The following DPP8 variants were observed in gnomAD, a reference collection of about 807,000 sequenced individuals.
DPP8 encodes DPP VIII.
DPP8 carries 31 observed loss-of-function variants against 107.5 expected under a neutral mutation model. The observed-to-expected ratio is 0.29, with a 90% CI of 0.22 to 0.39. DPP8 has a LOEUF of 0.39. Ranked by LOEUF, DPP8 falls within the 10% of genes least tolerant of loss-of-function variation. The pLI is 1.00. For missense variants in DPP8, 842 were observed against 1,076.1 expected (o/e 0.78, Z 3.04); for synonymous variants, 381 against 356.6 (o/e 1.07, Z -0.77).
At position 65,446,811 on chromosome 15, in the gene DPP8, G is replaced by A; in HGVS notation, c.*73C>T. 7.0e-7 allele frequency: 1 copy of A among 1,434,916 alleles called. No individual in the cohort carries two copies. 88.9% of individuals were successfully genotyped at this position (1,434,916 alleles called of 1,614,324 possible). ...ATCAAAATGTGATGATCAATTCTGT[G>A]TTTTCTGTTGATTAAACCTCCTCAT... On this transcript the variant is annotated 3_prime_UTR_variant, in exon 20 of 20. Coordinates refer to ENST00000300141, the MANE Select transcript of DPP8 (RefSeq NM_130434.5).
intron 1 of DPP8, among the ~76,000 whole-genome samples, chr15:65,514,001 T>C (rs2071124945): frequency 6.6e-6 from 1 of 152,240 alleles, no homozygotes; most frequent in African/African-American, 2.4e-5. Context: ...ACTTCTATAA[T>C]AATAAATACA....
At chr15:65,475,224 A>C (rs2066274150) in intron 11 of DPP8, 41 of 499,864 alleles carry the variant, frequency 8.2e-5, no homozygotes, top group South Asian at 8.2e-4. Flanking sequence ...CCCTCCCCTA[A>C]ACTCAGTAGT....
chr15:65,490,037 T>C, intron 6 of DPP8, 152 bp downstream of exon 6: 1 of 608,182 alleles, frequency 1.6e-6, no homozygotes, highest in Non-Finnish European at 2.9e-6. Context: ...ATATTTTAAA[T>C]AACTATGGGC....
intron 5 of DPP8, among the ~76,000 whole-genome samples, chr15:65,496,057 C>T (rs113969691): frequency 1.3e-3 from 201 of 151,558 alleles, no homozygotes; most frequent in African/African-American, 4.8e-3. Context: ...GATCTCAGCT[C>T]ACTGGAAGCT....
intron 8 of DPP8, among the ~76,000 whole-genome samples, chr15:65,483,610 A>C (rs1470172377): frequency 6.6e-6 from 1 of 150,664 alleles, no homozygotes; most frequent in African/African-American, 2.4e-5. Context: ...AAAATAAAAT[A>C]AAATAAAATA....
In DPP8 at chr15:65,442,897, C is replaced by T. The variant is rs192825744; in HGVS notation, c.*3987G>A. 6.6e-6 allele frequency: 1 copy of T among 152,160 alleles called. No homozygotes were observed. Among genetic ancestry groups the T allele is most frequent in the African/African-American group, 2.4e-5 (1 of 41,410 alleles). 9.4% of individuals were successfully genotyped at this position (152,160 alleles called of 1,614,324 possible). A position where few individuals can be genotyped will look rare whatever the true frequency, so the allele number is the denominator to read the frequency against. The stretch of plus-strand genomic sequence containing the variant: ...TATCTGCTGGGAATAGACACACTCA[C>T]CTTATATAGTTTAGAAATGGCCATG... On this transcript the variant is annotated 3_prime_UTR_variant, in exon 20 of 20. Coordinates refer to ENST00000300141, the MANE Select transcript of DPP8 (RefSeq NM_130434.5).
chr15:65,476,745 C>T (rs1239049012), intron 11 of DPP8, among the ~76,000 whole-genome samples: 2 of 152,184 alleles, frequency 1.3e-5, no homozygotes, highest in African/African-American at 4.8e-5. Context: ...TGTACACCCA[C>T]GTCCACAGCA....
chr15:65,471,766 G>A (rs1157937921), intron 12 of DPP8, among the ~76,000 whole-genome samples: 1 of 152,160 alleles, frequency 6.6e-6, no homozygotes, highest in Non-Finnish European at 1.5e-5. Flanking sequence ...GGGACTACAA[G>A]TTTGAGCTAC....
At chr15:65,475,539 G>A in intron 11 of DPP8, 2 of 1,326,754 alleles carry the variant, frequency 1.5e-6, no homozygotes, top group Non-Finnish European at 1.1e-6. Flanking sequence ...CCAGCCCGGT[G>A]CAATCCATCC....
chr15:65,475,779 G>A (rs1384277724), intron 11 of DPP8, among the ~76,000 whole-genome samples: 1 of 151,998 alleles, frequency 6.6e-6, no homozygotes, highest in African/African-American at 2.4e-5. Context: ...TTCCTGTTCT[G>A]CTCTGTCGCC....
intron 19 of DPP8, among the ~76,000 whole-genome samples, chr15:65,448,914 A>G (rs1445639779): frequency 2.2e-5 from 2 of 93,004 alleles, no homozygotes; most frequent in African/African-American, 8.5e-5. Flanking sequence ...ATATATATAT[A>G]TATATATATT....
intron 15 of DPP8, among the ~76,000 whole-genome samples, chr15:65,461,092 G>GCAT (rs1354793218): frequency 6.6e-6 from 1 of 152,096 alleles, no homozygotes; most frequent in Admixed American, 6.6e-5. Flanking sequence ...GTCATATTGA[G>GCAT]CATCTTTTCA....
chr15:65,503,845 G>C (rs940601335), intron 3 of DPP8, among the ~76,000 whole-genome samples: 2 of 150,950 alleles, frequency 1.3e-5, no homozygotes, highest in Non-Finnish European at 3.0e-5. Flanking sequence ...GAGTGGTCTT[G>C]AACTCCTGAC....
intron 7 of DPP8, among the ~76,000 whole-genome samples, chr15:65,486,728 C>T (rs1420488751): frequency 6.6e-6 from 1 of 152,088 alleles, no homozygotes; most frequent in Non-Finnish European, 1.5e-5. Flanking sequence ...TGAAGTAACT[C>T]AAGAATGGAA....
intron 5 of DPP8, among the ~76,000 whole-genome samples, chr15:65,497,209 T>C (rs917109849): frequency 1.3e-5 from 2 of 150,740 alleles, no homozygotes; most frequent in African/African-American, 4.9e-5. Context: ...TTTCTTAGAG[T>C]GTGTAATTGG....
In DPP8 at chr15:65,461,515, T is replaced by G. The variant is rs180984277; in HGVS notation, c.1971+2246A>C. Among the ~76,000 whole-genome samples, 144 of 152,272 alleles carry G rather than the reference T, an allele frequency of 9.5e-4. 2 individuals carry two copies. The highest frequency in any genetic ancestry group is 4.7e-4 in the Non-Finnish European group (32 of 68,028). ...ATTTCTTCACTGGGAGGGGAAAATC[T>G]TCTTATTTAGTCTTACCATCAAAAT... is the stretch of plus-strand genomic sequence containing the variant. On this transcript the variant is annotated intron_variant, in intron 15 of 19. Coordinates refer to ENST00000300141, the MANE Select transcript of DPP8 (RefSeq NM_130434.5).
chr15:65,451,931 A>AG, intron 18 of DPP8, 29 bp downstream of exon 18: 6 of 530,180 alleles, frequency 1.1e-5, no homozygotes, highest in Non-Finnish European at 1.6e-5. Flanking sequence ...TCTCAATTTA[A>AG]AAAAAAAAAA....
intron 11 of DPP8, 101 bp downstream of exon 11, chr15:65,478,779 G>C (rs2066635516): frequency 2.6e-6 from 2 of 773,132 alleles, no homozygotes; most frequent in East Asian, 5.8e-5. Context: ...AACAAAGCAA[G>C]TATTGATGCT....
rs182686746 is a variant in DPP8, at chr15:65,497,219, G to A, written c.715+645C>T. ...AGTAGTTTCTTAGAGTGTGTAATTG[G>A]TTTTTCTATCTGTTTCTCAAAAACA... On this transcript the variant is annotated intron_variant, in intron 5 of 19. Transcript: ENST00000300141. Among the ~76,000 whole-genome samples, 7 of 151,798 alleles carry A rather than the reference G, an allele frequency of 4.6e-5. No homozygotes were observed. In the East Asian group the frequency reaches 9.7e-4, roughly 21 times the overall value.
Sources: gnomAD v4.1 joint callset for allele counts (sites outside exome capture counted in the v4.1 genomes callset) on GRCh38, gnomAD v4.1.1 for gene constraint, MANE v1.5 for transcripts, NCBI Gene and HGNC (gene_info 2026-07-23, HGNC 2026-07-21) for gene names.